Variants in ABCC12 observed in about 807,000 individuals in gnomAD.
ABCC12 encodes ATP-binding cassette sub-family C member 12.
In ABCC12, 142 loss-of-function variants were observed where a neutral mutation model predicts 151.1. The ratio of observed to expected loss-of-function variants is 0.94; its 90% CI spans 0.82 to 1.08. The LOEUF (loss-of-function observed/expected upper bound fraction) is 1.08. ABCC12 is among the 50% of genes least tolerant of loss of function. The pLI, the probability that ABCC12 is intolerant of heterozygous loss-of-function variation, is 0.00. For missense variants in ABCC12, 1,638 were observed against 1,691.1 expected (o/e 0.97, Z 0.55); for synonymous variants, 645 against 646.4 (o/e 1.00, Z 0.03).
At chr16:48,085,841 C>G (rs1483761023) in intron 28 of ABCC12, 135 bp from the exon 29 acceptor site, 1 of 679,824 alleles carries the variant, frequency 1.5e-6, no homozygotes, top group African/African-American at 1.8e-5. Flanking sequence ...TGCAAAACAA[C>G]AATCATTTCA....
Position 48,100,842 on chromosome 16 carries a change from G to T in ABCC12, c.3038+30C>A, listed in dbSNP as rs758334179. 6.8e-6 allele frequency: 11 copies of T among 1,609,300 alleles called. No individual in the cohort carries two copies. The Middle Eastern group carries it at 5.1e-4, about 74-fold the overall frequency. ...TCGGAGTCAGGCATGAAGCATGGGGGCCTGGGGCAGGGCCCCACATGGGAC... is the reference window on the plus strand; with the variant it reads ...TCGGAGTCAGGCATGAAGCATGGGGTCCTGGGGCAGGGCCCCACATGGGAC... On this transcript the variant is annotated intron_variant, in intron 23 of 30. Transcript: ENST00000311303.
chr16:48,129,372 T>C (rs1964346722), intron 10 of ABCC12, among the ~76,000 whole-genome samples: 1 of 152,212 alleles, frequency 6.6e-6, no homozygotes, highest in African/African-American at 2.4e-5. Context: ...GCTGGGTCTG[T>C]ACAGGTGTTG....
intron 25 of ABCC12, among the ~76,000 whole-genome samples, chr16:48,090,386 C>T (rs926172480): frequency 2.7e-5 from 4 of 150,126 alleles, no homozygotes; most frequent in East Asian, 2.0e-4. Context: ...TGCCACCACA[C>T]GTGGCAAATT....
intron 2 of ABCC12, among the ~76,000 whole-genome samples, chr16:48,149,077 C>A (rs1271736549): frequency 6.6e-6 from 1 of 151,646 alleles, no homozygotes; most frequent in Non-Finnish European, 1.5e-5. Context: ...CAATAACACA[C>A]AGTAAAATAT....
intron 11 of ABCC12, among the ~76,000 whole-genome samples, chr16:48,126,798 GC>G (rs1964254116): frequency 6.6e-6 from 1 of 152,160 alleles, no homozygotes; most frequent in African/African-American, 2.4e-5. Context: ...ACAATGCATT[GC>G]CCCCACTTTA....
Position 48,139,251 on chromosome 16 carries a change from A to G in ABCC12, c.743T>C (p.Met248Thr). The stretch of plus-strand genomic sequence containing the variant: ...AAAGGCGTACGCCGCACAAAAGACC[A>G]TTAGGATCGGGATGGTGGCTGGCAA... ...CPLPATIPIL[M>T]VFCAAYAFFI... Residue 248 changes from methionine (M) to threonine (T), a missense_variant, in exon 7 of 31, where the codon ATG becomes ACG. Coordinates refer to ENST00000311303, the MANE Select transcript of ABCC12 (RefSeq NM_001393797.1). 1.2e-6 allele frequency: 2 copies of G among 1,614,158 alleles called. No individual in the cohort carries two copies. Among genetic ancestry groups the G allele is most frequent in the Non-Finnish European group, 1.7e-6 (2 of 1,180,004 alleles).
chr16:48,134,944 C>T (rs560319859), intron 8 of ABCC12, among the ~76,000 whole-genome samples: 6 of 151,104 alleles, frequency 4.0e-5, no homozygotes, highest in African/African-American at 1.5e-4. Flanking sequence ...CCCAGCTACT[C>T]GGGAGGCTGA....
At chr16:48,132,802 T>C (rs1964473640) in intron 9 of ABCC12, among the ~76,000 whole-genome samples, 1 of 152,228 alleles carries the variant, frequency 6.6e-6, no homozygotes, top group South Asian at 2.1e-4. Context: ...GAGATGGTTC[T>C]ACATGCTTTA....
chr16:48,099,415 T>C (rs1963224946), intron 23 of ABCC12, among the ~76,000 whole-genome samples: 1 of 152,022 alleles, frequency 6.6e-6, no homozygotes, highest in Non-Finnish European at 1.5e-5. Context: ...AAAATAAAAA[T>C]AAATAAATTT....
chr16:48,139,047 G>C (rs1964709150), intron 7 of ABCC12, 116 bp downstream of exon 7: 2 of 1,183,984 alleles, frequency 1.7e-6, no homozygotes, highest in African/African-American at 3.1e-5. Flanking sequence ...GTAAATCTGT[G>C]AGTACAAAAT....
At chr16:48,113,065 C>G (rs73540871) in intron 15 of ABCC12, among the ~76,000 whole-genome samples, 41 of 152,122 alleles carry the variant, frequency 2.7e-4, no homozygotes, top group African/African-American at 8.2e-4. Context: ...ATGGTTTGAC[C>G]GAAAGAAGCC....
chr16:48,095,472 TG>T (rs1243368456), intron 24 of ABCC12, among the ~76,000 whole-genome samples: 3 of 152,016 alleles, frequency 2.0e-5, no homozygotes, highest in African/African-American at 7.2e-5. Flanking sequence ...TTCAAAAATA[TG>T]CTGCATCCAT....
intron 1 of ABCC12, among the ~76,000 whole-genome samples, chr16:48,154,381 A>T (rs997748845): frequency 6.6e-6 from 1 of 152,200 alleles, no homozygotes; most frequent in Non-Finnish European, 1.5e-5. Context: ...TTAAAAAAAA[A>T]ATAAGACTGG....
At chr16:48,106,559 A>G (rs931337914) in intron 20 of ABCC12, among the ~76,000 whole-genome samples, 5 of 152,184 alleles carry the variant, frequency 3.3e-5, no homozygotes, top group Non-Finnish European at 1.5e-5. Context: ...GAATCTGTCT[A>G]TTCCAGAGAT....
intron 12 of ABCC12, among the ~76,000 whole-genome samples, chr16:48,123,048 G>A (rs1389381088): frequency 1.3e-5 from 2 of 152,186 alleles, no homozygotes; most frequent in African/African-American, 4.8e-5. Context: ...CACAGCCAGG[G>A]GCCTGATCCC....
intron 22 of ABCC12, among the ~76,000 whole-genome samples, chr16:48,103,665 G>T (rs567861289): frequency 1.3e-5 from 2 of 152,272 alleles, no homozygotes; most frequent in African/African-American, 4.8e-5. Flanking sequence ...CTCACCCCAG[G>T]AACAGCAGGG....
intron 3 of ABCC12, 83 bp from the exon 4 acceptor site, chr16:48,144,148 G>A: frequency 6.7e-7 from 1 of 1,485,436 alleles, no homozygotes; most frequent in Non-Finnish European, 9.1e-7. Context: ...TGTAACTACA[G>A]CAACAACCAC....
At chr16:48,087,794 C>G (rs73540849) in intron 27 of ABCC12, 132 bp downstream of exon 27, 2 of 951,974 alleles carry the variant, frequency 2.1e-6, no homozygotes, top group Non-Finnish European at 3.1e-6. Context: ...TGCTTGTGAG[C>G]CCCCCTGGGA....
Position 48,083,454 on chromosome 16 carries a change from G to T in ABCC12, c.*261C>A. The T allele has an allele frequency of 2.3e-6, 1 of 443,854 alleles. No individual in the cohort carries two copies. Among genetic ancestry groups the T allele is most frequent in the East Asian group, 3.9e-5 (1 of 25,450 alleles). 27.5% of individuals were successfully genotyped at this position (443,854 alleles called of 1,614,324 possible). Reference sequence around the variant, plus strand: ...TGAAAACACATGAGGAACCCTTGGGGATTTGGGAGGTGAAGGGCAGTTTTT... The same window carrying T: ...TGAAAACACATGAGGAACCCTTGGGTATTTGGGAGGTGAAGGGCAGTTTTT... On this transcript the variant is annotated 3_prime_UTR_variant, in exon 31 of 31. Coordinates refer to ENST00000311303, the MANE Select transcript of ABCC12 (RefSeq NM_001393797.1).
Sources: allele counts gnomAD v4.1 joint callset (sites outside exome capture counted in the v4.1 genomes callset), GRCh38; gene constraint gnomAD v4.1.1; transcripts MANE v1.5; gene names NCBI Gene and HGNC (gene_info 2026-07-23, HGNC 2026-07-21).